ZNF98: variants seen among roughly 807,000 people sequenced by gnomAD.
ZNF98 encodes zinc finger protein 98.
A neutral mutation model predicts 12.8 loss-of-function variants in ZNF98; 8 were observed. That is an observed-to-expected ratio of 0.63 (90% CI 0.37 to 1.13). ZNF98 has a LOEUF of 1.13. Among genes scored for constraint, ZNF98 ranks in the 50% most tolerant of loss-of-function variants. The pLI is 0.01. For synonymous variants in ZNF98, 112 were observed against 223.5 expected, an observed-to-expected ratio of 0.50 and a Z score of 4.45; for missense variants, 379 against 666.1, an observed-to-expected ratio of 0.57 and a Z score of 4.74.
intron 1 of ZNF98, among the ~76,000 whole-genome samples, chr19:22,407,106 G>A (rs534005872): frequency 6.6e-6 from 1 of 151,904 alleles, no homozygotes; most frequent in South Asian, 2.1e-4. Context: ...GCCCAGGCTG[G>A]AGTGCAGTGG....
rs373867379 is a variant in ZNF98 at position 22,392,165 on chromosome 19, T to C, written c.1070A>G (p.Lys357Arg). 40 of 1,612,964 alleles carry C rather than the reference T, an allele frequency of 2.5e-5. No individual in the cohort carries two copies. The highest frequency in any genetic ancestry group is 2.8e-5 in the Non-Finnish European group (33 of 1,179,582). Residue 357 changes from lysine (K) to arginine (R), a missense_variant, in exon 4 of 4, where the codon AAG becomes AGG. Lys to Arg is a conservative substitution (Grantham distance 26, BLOSUM62 2). Coordinates refer to ENST00000357774, the MANE Select transcript of ZNF98 (RefSeq NM_001098626.2). ...EKFYKCEECG[K>R]AFSRLSHLTT... ...AAGGTGGGATAACCGGCTAAAGGCC[T>C]TACCACATTCTTCACATTTGTAGAA...
intron 1 of ZNF98, among the ~76,000 whole-genome samples, chr19:22,406,953 C>T (rs1195649932): frequency 6.6e-6 from 1 of 152,154 alleles, no homozygotes; most frequent in African/African-American, 2.4e-5. Context: ...CAGAAGTAGG[C>T]TTCAGAAGAT....
chr19:22,406,505 G>A (rs1969520534), intron 1 of ZNF98, among the ~76,000 whole-genome samples: 1 of 152,108 alleles, frequency 6.6e-6, no homozygotes, highest in Non-Finnish European at 1.5e-5. Context: ...AACTCATGAA[G>A]ATGAGAAAGA....
At position 22,391,785 on chromosome 19, in the gene ZNF98, G is replaced by T. The variant is rs377711331; in HGVS notation, c.1450C>A (p.His484Asn). The T allele has an allele frequency of 7.0e-5, 112 of 1,602,124 alleles. No individual in the cohort carries two copies. In the African/African-American group the frequency reaches 1.4e-3, roughly 20 times the overall value. ...CATTTGTAGGGCTTCTCTCCAGTAT[G>T]AATTACCTTATGTTTAGAAAGAGTT... is the stretch of plus-strand genomic sequence containing the variant. ...SSTLSKHKVIHTGEKPYKCEE... is the reference protein window; with the variant it reads ...SSTLSKHKVINTGEKPYKCEE... Residue 484 changes from histidine (H) to asparagine (N), a missense_variant, in exon 4 of 4, where the codon CAT becomes AAT. By Grantham distance (68) the His-to-Asn change is moderately conservative. Around this residue, in one of 8 missense-constraint regions of ZNF98, gnomAD observed 15 missense variants for 28.7 expected, o/e 0.52. Transcript: ENST00000357774.
chr19:22,412,262 A>G (rs1266433941), intron 1 of ZNF98, among the ~76,000 whole-genome samples: 6 of 152,228 alleles, frequency 3.9e-5, no homozygotes, highest in Non-Finnish European at 8.8e-5. Context: ...AATTCAATAC[A>G]AAGAAAATCA....
chr19:22,401,233 A>G (rs1969453314), intron 3 of ZNF98, among the ~76,000 whole-genome samples: 2 of 152,084 alleles, frequency 1.3e-5, no homozygotes, highest in African/African-American at 4.8e-5. Flanking sequence ...AATTAAAGTA[A>G]TAATTACACT....
At chr19:22,403,582 G>C in intron 1 of ZNF98, 70 bp from the exon 2 acceptor site, 1 of 1,484,738 alleles carries the variant, frequency 6.7e-7, no homozygotes, top group Non-Finnish European at 9.0e-7. Context: ...TTTGACTCAA[G>C]GTAAAACAAG....
intron 1 of ZNF98, among the ~76,000 whole-genome samples, chr19:22,421,887 G>A (rs548657775): frequency 1.6e-4 from 25 of 152,248 alleles, no homozygotes; most frequent in African/African-American, 5.8e-4. Context: ...GGATTCTGCC[G>A]ACGACCCTCT....
At chr19:22,420,667 T>A (rs908867092) in intron 1 of ZNF98, among the ~76,000 whole-genome samples, 12 of 152,116 alleles carry the variant, frequency 7.9e-5, no homozygotes, top group Non-Finnish European at 1.6e-4. Context: ...GGAGCTGATA[T>A]TCACTAGATA....
chr19:22,412,666 C>G (rs953504886), intron 1 of ZNF98, among the ~76,000 whole-genome samples: 2 of 150,886 alleles, frequency 1.3e-5, no homozygotes, highest in African/African-American at 4.9e-5. Context: ...GATAAATTCT[C>G]AACAAAATAT....
At chr19:22,403,350 G>GTA (rs1251363764) in intron 2 of ZNF98, 36 bp downstream of exon 2, 1 of 1,551,082 alleles carries the variant, frequency 6.4e-7, no homozygotes, top group African/African-American at 1.4e-5. Flanking sequence ...AATTTATAGG[G>GTA]TATATTAGGG....
chr19:22,421,637 G>A (rs956617109), intron 1 of ZNF98, among the ~76,000 whole-genome samples: 1 of 152,118 alleles, frequency 6.6e-6, no homozygotes, highest in African/African-American at 2.4e-5. Context: ...GTACCTAACC[G>A]ATTACTGAAT....
chr19:22,416,706 C>G (rs1244418858), intron 1 of ZNF98, among the ~76,000 whole-genome samples: 1 of 152,064 alleles, frequency 6.6e-6, no homozygotes, highest in South Asian at 2.1e-4. Flanking sequence ...GAGCCAAGAT[C>G]GTGCCACTGC....
intron 1 of ZNF98, among the ~76,000 whole-genome samples, chr19:22,411,637 C>T (rs7253315): frequency 0.43 from 65,435 of 152,070 alleles, 14,276 homozygotes; most frequent in Non-Finnish European, 0.46. Flanking sequence ...AAAAGGTTTA[C>T]TTAGCTGTTA....
intron 3 of ZNF98, among the ~76,000 whole-genome samples, chr19:22,396,076 A>G (rs1163267990): frequency 6.6e-6 from 1 of 152,094 alleles, no homozygotes; most frequent in African/African-American, 2.4e-5. Context: ...ATATAAAAAT[A>G]CATTATTTTC....
intron 1 of ZNF98, among the ~76,000 whole-genome samples, chr19:22,420,893 G>A (rs1404242189): frequency 6.6e-6 from 1 of 152,172 alleles, no homozygotes; most frequent in East Asian, 1.9e-4. Context: ...TTCACTATCA[G>A]GGGATTATTC....
rs1892015766 is a variant in ZNF98 at position 22,391,332 on chromosome 19, ACTTT to A, written c.*180_*183del. ...GTGTGCAGATATTAATCACTTTTTTACTTTCTTTATATTTGTACATTTGTTCTCA... is the reference window on the plus strand; with the variant it reads ...GTGTGCAGATATTAATCACTTTTTTACTTTATATTTGTACATTTGTTCTCA... On this transcript the variant is annotated 3_prime_UTR_variant, in exon 4 of 4. Coordinates refer to ENST00000357774, the MANE Select transcript of ZNF98 (RefSeq NM_001098626.2). 1.5e-5 allele frequency: 19 copies of A among 1,272,434 alleles called. No individual in the cohort carries two copies. The South Asian group carries it at 1.7e-4, about 11-fold the overall frequency. 78.8% of individuals were successfully genotyped at this position (1,272,434 alleles called of 1,614,324 possible). A position where few individuals can be genotyped will look rare whatever the true frequency, so the allele number is the denominator to read the frequency against.
At chr19:22,398,319 C>A (rs3867189) in intron 3 of ZNF98, among the ~76,000 whole-genome samples, 131,482 of 151,464 alleles carry the variant, frequency 0.87, 56,817 homozygotes, top group East Asian at 0.91. Context: ...GTATTGTAAA[C>A]TTTCTAGAAA....
chr19:22,418,426 A>C (rs1269338559), intron 1 of ZNF98, among the ~76,000 whole-genome samples: 1 of 152,242 alleles, frequency 6.6e-6, no homozygotes, highest in Non-Finnish European at 1.5e-5. Context: ...TAATCCTGGT[A>C]AATAGCTGTG....
Sources: gnomAD v4.1 joint callset for allele counts (sites outside exome capture counted in the v4.1 genomes callset) on GRCh38, gnomAD v4.1.1 for gene constraint, gnomAD v4.1.1 regional missense constraint, MANE v1.5 for transcripts, NCBI Gene and HGNC (gene_info 2026-07-23, HGNC 2026-07-21) for gene names.